METTL22: variants seen among roughly 807,000 people sequenced by gnomAD.
The protein encoded by METTL22 is methyltransferase-like protein 22.
METTL22 carries 51 observed loss-of-function variants against 48.4 expected under a neutral mutation model. That is an observed-to-expected ratio of 1.05 (90% CI 0.84 to 1.33). METTL22 has a LOEUF of 1.33. Ranked by LOEUF, METTL22 falls within the 40% of genes most tolerant of loss-of-function variation. METTL22 has a pLI of 0.00. For synonymous variants in METTL22, 255 were observed against 214.1 expected, an observed-to-expected ratio of 1.19 and a Z score of -1.67; for missense variants, 678 against 526.9, an observed-to-expected ratio of 1.29 and a Z score of -2.81.
At chr16:8,626,554 C>G (rs1387128695) in intron 2 of METTL22, among the ~76,000 whole-genome samples, 1 of 145,902 alleles carries the variant, frequency 6.9e-6, no homozygotes, top group African/African-American at 2.5e-5. Flanking sequence ...GTTCAAGCAA[C>G]TCTCCTGCCT....
chr16:8,655,757 C>G, the METTL22 span, among the ~76,000 whole-genome samples: 4 of 152,220 alleles, frequency 2.6e-5, no homozygotes, highest in African/African-American at 9.6e-5. Flanking sequence ...GTTCTCATAC[C>G]CACAGCTGAT....
At chr16:8,634,508 T>TA (rs1404306703) in intron 3 of METTL22, among the ~76,000 whole-genome samples, 11 of 152,204 alleles carry the variant, frequency 7.2e-5, no homozygotes, top group Non-Finnish European at 2.9e-5. Context: ...TGAGAATACT[T>TA]ATACTACTTT....
the METTL22 span, among the ~76,000 whole-genome samples, chr16:8,662,600 G>C: frequency 6.9e-6 from 1 of 144,362 alleles, no homozygotes. Context: ...ACTGGTGGTG[G>C]AGTTTCCAGC....
chr16:8,627,306 T>C (rs1003615611), intron 2 of METTL22, among the ~76,000 whole-genome samples: 4 of 152,064 alleles, frequency 2.6e-5, no homozygotes, highest in African/African-American at 9.7e-5. Context: ...TGCCTACCCT[T>C]ATGTCACTCT....
rs2056837663 is a variant in METTL22, at chr16:8,648,192, G to A, written c.*2049G>A. On this transcript the variant is annotated 3_prime_UTR_variant, in exon 11 of 11. Transcript: ENST00000381920. ...AAACAGCCAATTAGTCTGGCATGGTGGTTTGCGCCTGCAGTCCCAGCTACT... is the reference window on the plus strand; with the variant it reads ...AAACAGCCAATTAGTCTGGCATGGTAGTTTGCGCCTGCAGTCCCAGCTACT... 6.6e-6 allele frequency: 1 copy of A among 152,424 alleles called. No individual in the cohort carries two copies. Among genetic ancestry groups the A allele is most frequent in the African/African-American group, 2.4e-5 (1 of 41,468 alleles). The allele number at this position is 152,424 out of a possible 1,614,324, so 9.4% of individuals were successfully genotyped here.
the METTL22 span, among the ~76,000 whole-genome samples, chr16:8,665,884 C>T: frequency 7.9e-5 from 12 of 152,286 alleles, no homozygotes; most frequent in Admixed American, 6.5e-4. Context: ...TGGATGAATA[C>T]CTGAGGGTGC....
the METTL22 span, among the ~76,000 whole-genome samples, chr16:8,664,081 A>T: frequency 2.7e-5 from 4 of 148,790 alleles, no homozygotes; most frequent in African/African-American, 1.0e-4. Flanking sequence ...GTGCATTCTA[A>T]GTTTTTTAAT....
rs188577364 is a variant in METTL22, at chr16:8,633,904, C to T, written c.515-1135C>T. On this transcript the variant is annotated intron_variant, in intron 3 of 10. Transcript: ENST00000381920. Reference sequence around the variant, plus strand: ...AATCAGGTAGAATCTCAGTGGCACCCAGGGCTTGCTCACAGAATGTGTCTG... The same window carrying T: ...AATCAGGTAGAATCTCAGTGGCACCTAGGGCTTGCTCACAGAATGTGTCTG... 1.5e-3 allele frequency among the ~76,000 whole-genome samples: 224 copies of T among 152,330 alleles called. 1 individual carries two copies. Among genetic ancestry groups the T allele is most frequent in the Non-Finnish European group, 5.0e-4 (34 of 68,032 alleles).
rs779461349 is a variant in METTL22, at chr16:8,644,549, G to A, written c.1011-8G>A. The A allele has an allele frequency of 1.0e-5, 16 of 1,534,786 alleles. No homozygotes were observed. In the Admixed American group the frequency reaches 2.1e-4, roughly 20 times the overall value. ...GGCAGTTTGTGCGTCCGACTGGCTG[G>A]TTTGCAGGCTCAACTTCACATTGAG... On this transcript the variant is annotated splice_region_variant and splice_polypyrimidine_tract_variant and intron_variant, in intron 9 of 10. Transcript: ENST00000381920.
rs1237333161 is a variant in METTL22, at chr16:8,646,433, C to A, written c.*290C>A. 1.5e-6 allele frequency: 1 copy of A among 650,638 alleles called. No individual in the cohort carries two copies. The highest frequency in any genetic ancestry group is 2.8e-6 in the Non-Finnish European group (1 of 352,156). 40.3% of individuals were successfully genotyped at this position (650,638 alleles called of 1,614,324 possible). A position where few individuals can be genotyped will look rare whatever the true frequency, so the allele number is the denominator to read the frequency against. On this transcript the variant is annotated 3_prime_UTR_variant, in exon 11 of 11. Coordinates refer to ENST00000381920, the MANE Select transcript of METTL22 (RefSeq NM_024109.4). ...CGTTCCTTCTCAGCTCAGTTCCACC[C>A]ACGTCAGTCATTTCAGCTGTGTGCT...
At chr16:8,634,937 C>T (rs2056375620) in intron 3 of METTL22, 102 bp from the exon 4 acceptor site, 3 of 1,475,698 alleles carry the variant, frequency 2.0e-6, no homozygotes, top group Admixed American at 3.4e-5. Context: ...ACCTCTGACG[C>T]CCATCTGACC....
the METTL22 span, among the ~76,000 whole-genome samples, chr16:8,661,165 C>T: frequency 6.6e-6 from 1 of 152,088 alleles, no homozygotes; most frequent in African/African-American, 2.4e-5. Flanking sequence ...AATCCAGGGC[C>T]AGACGTGCCA....
At chr16:8,661,970 A>T in the METTL22 span, among the ~76,000 whole-genome samples, 4 of 145,078 alleles carry the variant, frequency 2.8e-5, 1 homozygote, top group African/African-American at 1.0e-4. Context: ...TGGGCTTGGC[A>T]TGGTGGCTCA....
At chr16:8,663,545 G>T in the METTL22 span, among the ~76,000 whole-genome samples, 1 of 108,880 alleles carries the variant, frequency 9.2e-6, no homozygotes, top group African/African-American at 3.6e-5. Context: ...TCAAGAGGGG[G>T]CCCCACCCAG....
At chr16:8,643,615 T>G (rs902806633) in intron 9 of METTL22, among the ~76,000 whole-genome samples, 6 of 150,510 alleles carry the variant, frequency 4.0e-5, no homozygotes, top group African/African-American at 7.3e-5. Context: ...GACAGTTTTG[T>G]TTTTTTTGTT....
the METTL22 span, among the ~76,000 whole-genome samples, chr16:8,661,412 C>T: frequency 1.5e-4 from 22 of 150,418 alleles, no homozygotes; most frequent in South Asian, 3.6e-3. Flanking sequence ...TTTGGGAGGC[C>T]AAGGCGGGCA....
At chr16:8,628,617 C>T in intron 2 of METTL22, 113 bp from the exon 3 acceptor site, 1 of 1,383,370 alleles carries the variant, frequency 7.2e-7, no homozygotes, top group Non-Finnish European at 9.6e-7. Flanking sequence ...TATATCTCTA[C>T]CTGGCCTTTA....
intron 2 of METTL22, among the ~76,000 whole-genome samples, chr16:8,626,512 G>A (rs1377837766): frequency 6.8e-6 from 1 of 147,798 alleles, no homozygotes; most frequent in African/African-American, 2.5e-5. Context: ...GCAGTGGCGC[G>A]ACCTCGGCTC....
chr16:8,645,878 TC>T, intron 10 of METTL22: 1 of 1,002,608 alleles, frequency 1.0e-6, no homozygotes, highest in Non-Finnish European at 1.2e-6. Context: ...TGATGCACCT[TC>T]CGTTAATGCT....
Sources: allele counts gnomAD v4.1 joint callset (sites outside exome capture counted in the v4.1 genomes callset), GRCh38; gene constraint gnomAD v4.1.1; transcripts MANE v1.5; gene names NCBI Gene and HGNC (gene_info 2026-07-23, HGNC 2026-07-21).